Variants in NBPF14 observed in about 807,000 individuals in gnomAD.
NBPF14 encodes the protein NBPF family member NBPF14.
NBPF14 carries 104 observed loss-of-function variants against 91.2 expected under a neutral mutation model. That is an observed-to-expected ratio of 1.14 (90% CI 0.97 to 1.34). NBPF14 has a LOEUF of 1.34. Ranked by LOEUF, NBPF14 falls within the 40% of genes most tolerant of loss-of-function variation. NBPF14 has a pLI of 0.00. For missense variants in NBPF14, 908 were observed against 783.0 expected, an observed-to-expected ratio of 1.16 and a Z score of -1.91; for synonymous variants, 294 against 303.8, an observed-to-expected ratio of 0.97 and a Z score of 0.34.
chr1:148,594,814 C>T (rs1663047109), intron 2 of NBPF14, among the ~76,000 whole-genome samples: 2 of 85,458 alleles, frequency 2.3e-5, no homozygotes, highest in East Asian at 8.9e-4. Flanking sequence ...TCTTCTGCCT[C>T]AGCCTCCCGA....
exon 15 of NBPF14, chr1:148,577,307 G>A (rs1214950446): frequency 4.8e-6 from 3 of 621,206 alleles, no homozygotes; most frequent in Admixed American, 5.2e-5. Context: ...TATCCAGTGA[G>A]TCCTGCAAGA....
chr1:148,577,546 AC>A (rs1660078919), intron 14 of NBPF14, among the ~76,000 whole-genome samples, 191 bp from the exon 15 acceptor site: 1 of 22,998 alleles, frequency 4.3e-5, no homozygotes, highest in Admixed American at 3.2e-4. Context: ...CGAGAAAGAC[AC>A]ACACACACAC....
At chr1:148,535,180 G>A (rs1305794711) in intron 68 of NBPF14, among the ~76,000 whole-genome samples, 1 of 149,942 alleles carries the variant, frequency 6.7e-6, no homozygotes, top group Admixed American at 6.7e-5. Flanking sequence ...ATGAAAAGAG[G>A]GGGCTCAATA....
At position 148,561,802 on chromosome 1, in the gene NBPF14, AACAC is replaced by A. The variant is rs1370506557; in HGVS notation, c.4275-227_4275-224del. Among the ~76,000 whole-genome samples the A allele has an allele frequency of 3.1e-5, 3 of 95,606 alleles. 1 individual carries two copies. Among genetic ancestry groups the A allele is most frequent in the African/African-American group, 1.0e-4 (2 of 19,674 alleles). 62.7% of individuals were successfully genotyped at this position (95,606 alleles called of 152,430 possible). A position where few individuals can be genotyped will look rare whatever the true frequency, so the allele number is the denominator to read the frequency against. On this transcript the variant is annotated intron_variant, in intron 34 of 70. Coordinates refer to ENST00000619423, the Ensembl canonical transcript of NBPF14. ...ACACACACACACACACACACACACAAACACACACACACACACAGAGAGAGAGAGA... is the reference window on the plus strand; with the variant it reads ...ACACACACACACACACACACACACAAACACACACACACAGAGAGAGAGAGA...
intron 6 of NBPF14, among the ~76,000 whole-genome samples, chr1:148,590,039 ACTTTTTTTTT>A (rs1662206627): frequency 1.1e-5 from 1 of 90,104 alleles, no homozygotes; most frequent in African/African-American, 4.5e-5. Context: ...TCAGAGACTT[ACTTTTTTTTT>A]TTTTTTTTTT....
At chr1:148,566,509 A>C in intron 28 of NBPF14, among the ~76,000 whole-genome samples, 194 bp from the exon 29 acceptor site, 1 of 46,596 alleles carries the variant, frequency 2.1e-5, no homozygotes, top group Non-Finnish European at 3.3e-5. Context: ...AGAAAGACAG[A>C]CACACACACA....
exon 70 of NBPF14, chr1:148,533,870 G>A (rs1420379152): frequency 7.9e-6 from 6 of 763,958 alleles, no homozygotes; most frequent in Non-Finnish European, 1.2e-5. Flanking sequence ...CCTGGGGCAT[G>A]GTGGGTTTTG....
At position 148,595,262 on chromosome 1, in the gene NBPF14, G is replaced by C; in HGVS notation, c.175+281C>G. Among the ~76,000 whole-genome samples the C allele has an allele frequency of 1.4e-5, 2 of 147,974 alleles. 1 individual carries two copies. The highest frequency in any genetic ancestry group is 3.0e-5 in the Non-Finnish European group (2 of 66,490). On this transcript the variant is annotated intron_variant, in intron 2 of 70. Transcript: ENST00000619423. ...AGAGAGGATTCTTGAAAACACGATT[G>C]AGCCCCTTGGAGAAAACAGGTCATT...
exon 13 of NBPF14, chr1:148,579,227 C>T: frequency 2.7e-6 from 1 of 373,288 alleles, no homozygotes; most frequent in East Asian, 3.9e-5. Flanking sequence ...TCTTCAGACT[C>T]CTGCAGATTC....
At chr1:148,578,195 A>T (rs1304201325) in intron 13 of NBPF14, among the ~76,000 whole-genome samples, 161 bp from the exon 14 acceptor site, 2 of 151,958 alleles carry the variant, frequency 1.3e-5, no homozygotes, top group Non-Finnish European at 2.9e-5. Context: ...GTCTTGAGAA[A>T]ACTGGCTTGT....
chr1:148,542,054 G>A (rs2149483296), intron 59 of NBPF14, among the ~76,000 whole-genome samples: 1 of 86,756 alleles, frequency 1.2e-5, no homozygotes, highest in Non-Finnish European at 1.9e-5. Context: ...TATTCTAGTA[G>A]ATCGTTATCC....
rs1661736101 is a variant in NBPF14 at position 148,587,470 on chromosome 1, G to C, written c.989-67C>G. 11 of 1,458,586 alleles carry C rather than the reference G, an allele frequency of 7.5e-6. 1 individual carries two copies. The highest frequency in any genetic ancestry group is 1.0e-5 in the Non-Finnish European group (11 of 1,055,046). The allele number at this position is 1,458,586 out of a possible 1,614,324, so 90.4% of individuals were successfully genotyped here. On this transcript the variant is annotated intron_variant, in intron 7 of 70. Coordinates refer to ENST00000619423, the Ensembl canonical transcript of NBPF14. ...CATGCTGCTGTGGTCATTGCCTACA[G>C]GACAGGAGCCAGGTCCATCCCAAGG...
At chr1:148,586,788 A>T (rs1571034388) in intron 8 of NBPF14, among the ~76,000 whole-genome samples, 1 of 141,368 alleles carries the variant, frequency 7.1e-6, no homozygotes, top group African/African-American at 2.6e-5. Context: ...GGACATTTCC[A>T]TGTGAAAATA....
exon 37 of NBPF14, chr1:148,559,802 C>G: frequency 2.0e-6 from 3 of 1,519,158 alleles, no homozygotes; most frequent in East Asian, 2.5e-5. Flanking sequence ...CCATCCATGT[C>G]AACAGCCAAG....
Position 148,593,855 on chromosome 1 carries a change from C to A in NBPF14, c.176-155G>T, listed in dbSNP as rs1403365963. Among the ~76,000 whole-genome samples, 650 of 148,994 alleles carry A rather than the reference C, an allele frequency of 4.4e-3. 1 individual carries two copies. Among genetic ancestry groups the A allele is most frequent in the African/African-American group, 0.015 (621 of 40,308 alleles). The stretch of plus-strand genomic sequence containing the variant: ...TTCCACATCTTTACTCTTCAGTCTC[C>A]TGACTTTCTGGCATCTGATCCTCCA... On this transcript the variant is annotated intron_variant, in intron 2 of 70. Coordinates refer to ENST00000619423, the Ensembl canonical transcript of NBPF14.
In NBPF14 at chr1:148,534,530, T is replaced by G. The variant is rs1385213673; in HGVS notation, c.8614+154A>C. Among the ~76,000 whole-genome samples, 10 of 151,864 alleles carry G rather than the reference T, an allele frequency of 6.6e-5. No individual in the cohort carries two copies. The South Asian group carries it at 2.1e-3, about 31-fold the overall frequency. Reference sequence around the variant, plus strand: ...CCCATTTCATGTCTAGGCTTCCAGCTGAGACTACAGTTTCATTACAACCTA... The same window carrying G: ...CCCATTTCATGTCTAGGCTTCCAGCGGAGACTACAGTTTCATTACAACCTA... On this transcript the variant is annotated intron_variant, in intron 69 of 70. Transcript: ENST00000619423.
At chr1:148,532,425 T>A (rs1204906629) in exon 71 of NBPF14, 2 of 160,704 alleles carry the variant, frequency 1.2e-5, no homozygotes, top group Non-Finnish European at 2.7e-5. Context: ...GTGGTCTTCC[T>A]AAGTACTGAC....
intron 69 of NBPF14, among the ~76,000 whole-genome samples, 177 bp downstream of exon 69, chr1:148,534,507 C>A (rs1654609777): frequency 1.3e-5 from 2 of 151,916 alleles, no homozygotes; most frequent in South Asian, 2.1e-4. Flanking sequence ...CTCACTGACC[C>A]ATTTCATGTC....
At chr1:148,559,904 A>G in exon 37 of NBPF14, 1 of 1,277,774 alleles carries the variant, frequency 7.8e-7, no homozygotes, top group Non-Finnish European at 1.1e-6. Context: ...GTTGAATAAC[A>G]TCTATCCAGT....
Sources: gnomAD v4.1 joint callset for allele counts (sites outside exome capture counted in the v4.1 genomes callset) on GRCh38, gnomAD v4.1.1 for gene constraint, MANE v1.5 for transcripts, NCBI Gene and HGNC (gene_info 2026-07-23, HGNC 2026-07-21) for gene names.